The following TNFSF4 variants were observed in gnomAD, a reference collection of about 807,000 sequenced individuals.
The protein encoded by TNFSF4 is TNF superfamily member 4.
TNFSF4 carries 4 observed loss-of-function variants against 7.3 expected under a neutral mutation model. That is an observed-to-expected ratio of 0.55 (90% confidence interval 0.27 to 1.25). The LOEUF is 1.25. TNFSF4 is among the 50% of genes most tolerant of loss of function. The probability of loss-of-function intolerance (pLI) is 0.12; values close to 1 mark genes in which losing one functional copy is unlikely to be tolerated. For missense variants in TNFSF4, 181 were observed against 208.8 expected (o/e 0.87, Z 0.82); for synonymous variants, 76 against 83.7 (o/e 0.91, Z 0.50).
the TNFSF4 span, among the ~76,000 whole-genome samples, chr1:173,239,345 A>G: frequency 1.3e-5 from 2 of 152,286 alleles, no homozygotes; most frequent in African/African-American, 2.4e-5. Context: ...AACTCCCTCT[A>G]TATTTGGGTT....
At chr1:173,188,956 C>T (rs938786871) in intron 1 of TNFSF4, among the ~76,000 whole-genome samples, 8 of 152,090 alleles carry the variant, frequency 5.3e-5, no homozygotes, top group Non-Finnish European at 1.2e-4. Context: ...AAACTCTTGA[C>T]CTCAAGCAAT....
At chr1:173,180,889 C>T (rs1447368766), downstream of TNFSF4, among the ~76,000 whole-genome samples, 1 of 152,148 alleles carries the variant, frequency 6.6e-6, no homozygotes, top group African/African-American at 2.4e-5. Flanking sequence ...TCAAGCTCAG[C>T]TAATTTTTAC....
chr1:173,308,263 C>CTT, the TNFSF4 span, among the ~76,000 whole-genome samples: 12 of 116,284 alleles, frequency 1.0e-4, no homozygotes, highest in Non-Finnish European at 1.6e-4. Context: ...ACTCCTCTCT[C>CTT]TCTTTCTCTC....
the TNFSF4 span, among the ~76,000 whole-genome samples, chr1:173,235,990 T>C: frequency 6.6e-6 from 1 of 152,204 alleles, no homozygotes; most frequent in African/African-American, 2.4e-5. Context: ...TATAATAAAA[T>C]TCACCAACTT....
At chr1:173,373,893 T>C in the TNFSF4 span, among the ~76,000 whole-genome samples, 2 of 152,266 alleles carry the variant, frequency 1.3e-5, no homozygotes, top group South Asian at 2.1e-4. Flanking sequence ...TCCCCAAAGA[T>C]TATAAAGTGA....
chr1:173,398,029 T>C, the TNFSF4 span, among the ~76,000 whole-genome samples: 139 of 152,338 alleles, frequency 9.1e-4, 2 homozygotes, highest in African/African-American at 3.2e-3. Context: ...GTACCTGGTT[T>C]GCAGATATTG....
chr1:173,211,238 G>A (rs917228835), upstream of TNFSF4, among the ~76,000 whole-genome samples: 28 of 152,208 alleles, frequency 1.8e-4, no homozygotes, highest in Admixed American at 5.2e-4. Flanking sequence ...ATAGAGTGAT[G>A]TCGGAGGTGA....
the TNFSF4 span, among the ~76,000 whole-genome samples, chr1:173,328,339 C>T: frequency 7.7e-6 from 1 of 129,346 alleles, no homozygotes; most frequent in Admixed American, 9.8e-5. Flanking sequence ...GAACATCACA[C>T]ACTGGGGACT....
chr1:173,386,602 G>A, the TNFSF4 span, among the ~76,000 whole-genome samples: 3 of 152,292 alleles, frequency 2.0e-5, no homozygotes, highest in Admixed American at 2.0e-4. Context: ...CCATCACAGA[G>A]AGCCCCCACT....
At chr1:173,307,835 G>C in the TNFSF4 span, among the ~76,000 whole-genome samples, 4,151 of 151,916 alleles carry the variant, frequency 0.027, 110 homozygotes, top group East Asian at 0.13. Flanking sequence ...ATTTATGAGA[G>C]TTCTTGCAAT....
chr1:173,238,394 G>A, the TNFSF4 span, among the ~76,000 whole-genome samples: 1 of 152,132 alleles, frequency 6.6e-6, no homozygotes, highest in South Asian at 2.1e-4. Flanking sequence ...GCAAAAATTG[G>A]CAAATGGGAC....
the TNFSF4 span, among the ~76,000 whole-genome samples, chr1:173,227,946 A>G: frequency 6.6e-6 from 1 of 152,208 alleles, no homozygotes; most frequent in African/African-American, 2.4e-5. Flanking sequence ...GGGAAGCTCA[A>G]ACTGGGTGGA....
the TNFSF4 span, among the ~76,000 whole-genome samples, chr1:173,407,373 G>T: frequency 6.6e-6 from 1 of 151,674 alleles, no homozygotes; most frequent in Non-Finnish European, 1.5e-5. Flanking sequence ...CACCCTAGGC[G>T]ATATGACGAA....
chr1:173,292,510 A>T, the TNFSF4 span, among the ~76,000 whole-genome samples: 1 of 152,120 alleles, frequency 6.6e-6, no homozygotes, highest in Admixed American at 6.6e-5. Flanking sequence ...TCTATAACAA[A>T]CCCACAACCA....
chr1:173,344,335 G>C, the TNFSF4 span, among the ~76,000 whole-genome samples: 1 of 152,170 alleles, frequency 6.6e-6, no homozygotes, highest in African/African-American at 2.4e-5. Context: ...TTAAAGTCAA[G>C]AATCTTCAAT....
the TNFSF4 span, among the ~76,000 whole-genome samples, chr1:173,391,653 T>G: frequency 2.0e-5 from 3 of 152,036 alleles, no homozygotes; most frequent in Non-Finnish European, 4.4e-5. Context: ...TCTTCCTACA[T>G]TTCTGATTCC....
At chr1:173,227,024 G>A in the TNFSF4 span, among the ~76,000 whole-genome samples, 203 of 151,908 alleles carry the variant, frequency 1.3e-3, 1 homozygote, top group Non-Finnish European at 2.2e-3. Flanking sequence ...CTAACTGCAA[G>A]GACTTGGATA....
At chr1:173,209,588 C>T (rs933854748), upstream of TNFSF4, among the ~76,000 whole-genome samples, 10 of 152,068 alleles carry the variant, frequency 6.6e-5, no homozygotes, top group South Asian at 2.1e-4. Flanking sequence ...CACTGTAATC[C>T]GGAACTCCTG....
chr1:173,202,045 C>CCA (rs1557885388), intron 1 of TNFSF4, among the ~76,000 whole-genome samples: 27 of 140,762 alleles, frequency 1.9e-4, no homozygotes, highest in African/African-American at 7.1e-4. Context: ...GAAGTAATTG[C>CCA]TATATATATA....
Sources: allele counts gnomAD v4.1 joint callset (sites outside exome capture counted in the v4.1 genomes callset), GRCh38; gene constraint gnomAD v4.1.1; transcripts MANE v1.5; gene names NCBI Gene and HGNC (gene_info 2026-07-23, HGNC 2026-07-21).